HADHA: variants seen among roughly 807,000 people sequenced by gnomAD.
HADHA encodes the protein trifunctional enzyme subunit alpha, mitochondrial.
A neutral mutation model predicts 91.3 loss-of-function variants in HADHA; 59 were observed. The ratio of observed to expected loss-of-function variants is 0.65; its 90% confidence interval spans 0.52 to 0.80. The LOEUF (loss-of-function observed/expected upper bound fraction) is 0.80, where lower values mean the gene tolerates loss of function less well. HADHA is among the 30% of genes least tolerant of loss of function. The probability of loss-of-function intolerance (pLI) is 0.00; values close to 1 mark genes in which losing one functional copy is unlikely to be tolerated. For missense variants in HADHA, 800 were observed against 927.6 expected (o/e 0.86, Z 1.79); for synonymous variants, 320 against 338.9 (o/e 0.94, Z 0.61).
chr2:26,195,293 T>TAGGAA, intron 14 of HADHA, 61 bp from the exon 15 acceptor site: 1 of 1,374,856 alleles, frequency 7.3e-7, no homozygotes, highest in African/African-American at 1.4e-5. Context: ...CTGAGAGCAT[T>TAGGAA]CCTTCTCTGC....
At position 26,221,634 on chromosome 2, in the gene HADHA, TTC is replaced by T. The variant is rs1417348995; in HGVS notation, c.677-6461_677-6460del. ...GCCAAAATACCCCACGGCCCTGTTCTTCTTTGTCTCTTCCAGCCTGCACCTAT... is the reference window on the plus strand; with the variant it reads ...GCCAAAATACCCCACGGCCCTGTTCTTTTGTCTCTTCCAGCCTGCACCTAT... On this transcript the variant is annotated intron_variant, in intron 7 of 19. Coordinates refer to ENST00000380649, the MANE Select transcript of HADHA (RefSeq NM_000182.5). This position sits in a 1 kb window ranked among gnomAD's most constrained non-coding sequence, Gnocchi z 4.8. 6.6e-6 allele frequency among the ~76,000 whole-genome samples: 1 copy of T among 152,180 alleles called. No individual in the cohort carries two copies. Among genetic ancestry groups the T allele is most frequent in the Non-Finnish European group, 1.5e-5 (1 of 68,042 alleles).
intron 1 of HADHA, among the ~76,000 whole-genome samples, chr2:26,241,338 G>T (rs1418373512): frequency 6.6e-6 from 1 of 152,060 alleles, no homozygotes; most frequent in Non-Finnish European, 1.5e-5. Context: ...CACAATCTAT[G>T]GCCGGGCGCG....
At chr2:26,234,738 C>A (rs1670706653) in intron 4 of HADHA, among the ~76,000 whole-genome samples, 1 of 150,234 alleles carries the variant, frequency 6.7e-6, no homozygotes, top group Non-Finnish European at 1.5e-5. Context: ...TGCACTCCAG[C>A]CTGGGCGACA....
intron 4 of HADHA, 108 bp from the exon 5 acceptor site, chr2:26,234,463 GACAAA>G: frequency 1.1e-6 from 1 of 950,110 alleles, no homozygotes; most frequent in Non-Finnish European, 1.7e-6. Flanking sequence ...AATATTTGAT[GACAAA>G]TCTTCAAATA....
rs562724139 is a variant in HADHA, at chr2:26,191,290, G to C, written c.2252C>G (p.Ala751Gly). 2 of 1,613,354 alleles carry C rather than the reference G, an allele frequency of 1.2e-6. No individual in the cohort carries two copies. Among genetic ancestry groups the C allele is most frequent in the South Asian group, 2.2e-5 (2 of 91,044 alleles). ...CTTGTTAGGGCTGTTAGCATGGTCA[G>C]CTAGCAGCTGGCATGGGGTGAACTG... is the stretch of plus-strand genomic sequence containing the variant. ...GKQFTPCQLL[A>G]DHANSPNKKF... The change falls in exon 20 of 20, where the codon GCT becomes GGT. Residue 751 changes from alanine to glycine, a missense_variant. Transcript: ENST00000380649.
chr2:26,234,079 C>T (rs143980084), intron 5 of HADHA, 138 bp downstream of exon 5: 2 of 820,176 alleles, frequency 2.4e-6, no homozygotes, highest in Non-Finnish European at 4.0e-6. Context: ...AAAATTCCGT[C>T]TCAAAGCAAA....
intron 11 of HADHA, 113 bp from the exon 12 acceptor site, chr2:26,204,309 G>A: frequency 1.1e-6 from 1 of 926,918 alleles, no homozygotes; most frequent in South Asian, 1.3e-5. Context: ...CAACTATAAG[G>A]TGTTTCAAAT....
At chr2:26,197,820 G>A (rs1216742148) in intron 13 of HADHA, 43 bp from the exon 14 acceptor site, 11 of 951,520 alleles carry the variant, frequency 1.2e-5, no homozygotes, top group Non-Finnish European at 1.9e-5. Flanking sequence ...GTAGGCCTGG[G>A]AGATGATTAG....
At chr2:26,200,257 T>C (rs1397085005) in intron 13 of HADHA, among the ~76,000 whole-genome samples, 1 of 152,236 alleles carries the variant, frequency 6.6e-6, no homozygotes, top group African/African-American at 2.4e-5. Flanking sequence ...AATCATTTCA[T>C]GTTCACCTTT....
chr2:26,236,564 G>A (rs1018864077), intron 4 of HADHA, among the ~76,000 whole-genome samples: 1 of 151,760 alleles, frequency 6.6e-6, no homozygotes, highest in Non-Finnish European at 1.5e-5. Context: ...GATTACAAGC[G>A]TGTGCCACCA....
chr2:26,236,805 A>T (rs768779783), intron 4 of HADHA, 50 bp downstream of exon 4: 2 of 1,437,678 alleles, frequency 1.4e-6, no homozygotes, highest in South Asian at 2.3e-5. Flanking sequence ...GGCCTAAGAA[A>T]CACACTATTA....
intron 14 of HADHA, 59 bp from the exon 15 acceptor site, chr2:26,195,291 A>G (rs1574603728): frequency 2.1e-6 from 3 of 1,402,838 alleles, no homozygotes; most frequent in African/African-American, 1.4e-5. Flanking sequence ...ACCTGAGAGC[A>G]TTCCTTCTCT....
chr2:26,234,756 ACT>A (rs1318989310), intron 4 of HADHA, among the ~76,000 whole-genome samples: 1 of 145,420 alleles, frequency 6.9e-6, no homozygotes, highest in Non-Finnish European at 1.5e-5. Flanking sequence ...ACAGAGTGAG[ACT>A]CTGTCTCAAA....
intron 1 of HADHA, chr2:26,243,031 G>C (rs192061311): frequency 1.7e-4 from 26 of 152,302 alleles, no homozygotes; most frequent in African/African-American, 6.3e-4. Context: ...GATTACAGGC[G>C]TGAGCCACCG....
chr2:26,236,359 G>GTGTGTGTGTATA (rs141555532), intron 4 of HADHA, among the ~76,000 whole-genome samples: 15 of 137,926 alleles, frequency 1.1e-4, no homozygotes, highest in African/African-American at 4.0e-4. Flanking sequence ...GTGTGTGTGT[G>GTGTGTGTGTATA]TATATATATA....
At chr2:26,230,861 C>T (rs1670605521) in intron 6 of HADHA, among the ~76,000 whole-genome samples, 1 of 152,000 alleles carries the variant, frequency 6.6e-6, no homozygotes, top group Non-Finnish European at 1.5e-5. Context: ...GCAGAGGTTG[C>T]AGTGAGCCGA....
rs1327516770 is a variant in HADHA, at chr2:26,193,683, C to T, written c.1779G>A (p.Val593=). 6.2e-7 allele frequency: 1 copy of T among 1,613,944 alleles called. No individual in the cohort carries two copies. The highest frequency in any genetic ancestry group is 8.5e-7 in the Non-Finnish European group (1 of 1,179,966). Residue 593 remains valine, a synonymous_variant, in exon 17 of 20, where the codon GTG becomes GTA. Coordinates refer to ENST00000380649, the MANE Select transcript of HADHA (RefSeq NM_000182.5). ...CTTCCGCCACATGTTTCGCTACATC[C>T]ACACCAACTTCATCCACCAGTGTGG... ...GAATLVDEVG[V]DVAKHVAEDL...
rs940093001 is a variant in HADHA at position 26,191,195 on chromosome 2, C to A, written c.*55G>T. 3.2e-6 allele frequency: 5 copies of A among 1,559,284 alleles called. No individual in the cohort carries two copies. In the African/African-American group the frequency reaches 5.4e-5, roughly 17 times the overall value. Reference sequence around the variant, plus strand: ...TCTAGACACCACTCTGTTGGAGAACCAGCACTGCCGGCAGCTGGGGTTAGT... The same window carrying A: ...TCTAGACACCACTCTGTTGGAGAACAAGCACTGCCGGCAGCTGGGGTTAGT... On this transcript the variant is annotated 3_prime_UTR_variant, in exon 20 of 20. Transcript: ENST00000380649.
Position 26,221,871 on chromosome 2 carries a change from G to A in HADHA, c.677-6696C>T, listed in dbSNP as rs1574619018. Reference sequence around the variant, plus strand: ...GACAGTGCACCCGGTTGTTCATTTTGTCTAGAAAGAAAAATGGCCTGAGCT... The same window carrying A: ...GACAGTGCACCCGGTTGTTCATTTTATCTAGAAAGAAAAATGGCCTGAGCT... On this transcript the variant is annotated intron_variant, in intron 7 of 19. Transcript: ENST00000380649. This position sits in a 1 kb window ranked among gnomAD's most constrained non-coding sequence, Gnocchi z 4.8. 1.3e-5 allele frequency among the ~76,000 whole-genome samples: 2 copies of A among 152,306 alleles called. No individual in the cohort carries two copies.
Sources: allele counts gnomAD v4.1 joint callset (sites outside exome capture counted in the v4.1 genomes callset), GRCh38; gene constraint gnomAD v4.1.1; non-coding constraint Gnocchi (gnomAD v3.1); transcripts MANE v1.5; gene names NCBI Gene and HGNC (gene_info 2026-07-23, HGNC 2026-07-21).